The following SGIP1 variants were observed in gnomAD, a reference collection of about 807,000 sequenced individuals.
SGIP1 encodes the protein SH3GL interacting endocytic adaptor 1.
A neutral mutation model predicts 107.5 loss-of-function variants in SGIP1; 38 were observed. That is an observed-to-expected ratio of 0.35 (90% CI 0.27 to 0.46). The LOEUF (loss-of-function observed/expected upper bound fraction) is 0.46. Ranked by LOEUF, SGIP1 falls within the 20% of genes least tolerant of loss-of-function variation. The pLI, the probability that SGIP1 is intolerant of heterozygous loss-of-function variation, is 1.00. For missense variants in SGIP1, 929 were observed against 1,019.5 expected, an observed-to-expected ratio of 0.91 and a Z score of 1.21; for synonymous variants, 365 against 366.1, an observed-to-expected ratio of 1.00 and a Z score of 0.03.
Position 66,615,375 on chromosome 1 carries a change from C to T in SGIP1, c.11-10472C>T, listed in dbSNP as rs552615439. Among the ~76,000 whole-genome samples the T allele has an allele frequency of 1.8e-4, 27 of 152,256 alleles. 1 individual carries two copies. The highest frequency in any genetic ancestry group is 9.2e-4 in the Admixed American group (14 of 15,284). ...CTCGAACTCCTGACCTCAGGTGACC[C>T]GCCTGCCTCAGCCTCCCAAAGTGGT... On this transcript the variant is annotated intron_variant, in intron 1 of 24. Transcript: ENST00000371037.
Position 66,690,275 on chromosome 1 carries a change from C to G in SGIP1, c.1529C>G (p.Ser510Trp). The G allele has an allele frequency of 6.2e-7, 1 of 1,614,190 alleles. No homozygotes were observed. The highest frequency in any genetic ancestry group is 8.5e-7 in the Non-Finnish European group (1 of 1,180,018). The change falls in exon 17 of 25, where the codon TCG becomes TGG. Residue 510 changes from serine to tryptophan, a missense_variant. This residue lies in a region of SGIP1 where 341 missense variants were observed against 430.9 expected (regional missense o/e 0.79). Transcript: ENST00000371037. ...LARAESTSSI[S>W]STNSLSAATT... ...CGGGCTGAAAGCACTTCTTCAATAT[C>G]GTCAACCAATTCCTTGAGCGCAGCC... is the stretch of plus-strand genomic sequence containing the variant.
chr1:66,576,236 T>C (rs1381574031), intron 1 of SGIP1, among the ~76,000 whole-genome samples: 1 of 152,162 alleles, frequency 6.6e-6, no homozygotes, highest in Non-Finnish European at 1.5e-5. Context: ...TAGTATCAAG[T>C]TAAAAATCAC....
intron 1 of SGIP1, among the ~76,000 whole-genome samples, chr1:66,557,299 C>T (rs2058327562): frequency 6.6e-6 from 1 of 152,232 alleles, no homozygotes; most frequent in Non-Finnish European, 1.5e-5. Flanking sequence ...TTTTCCCATT[C>T]CATACTCAGA....
At chr1:66,623,329 A>G (rs1487007787) in intron 1 of SGIP1, among the ~76,000 whole-genome samples, 1 of 151,962 alleles carries the variant, frequency 6.6e-6, no homozygotes, top group South Asian at 2.1e-4. Context: ...GACTCACTAC[A>G]ACCTCTGCCT....
At chr1:66,568,090 T>A (rs1160741798) in intron 1 of SGIP1, among the ~76,000 whole-genome samples, 1 of 152,190 alleles carries the variant, frequency 6.6e-6, no homozygotes, top group Non-Finnish European at 1.5e-5. Flanking sequence ...TTAATTACTT[T>A]GGGTAGTATG....
chr1:66,554,675 T>A lies in SGIP1; in HGVS notation c.10+20307T>A, dbSNP rs149448048. Among the ~76,000 whole-genome samples the A allele has an allele frequency of 7.2e-5, 11 of 152,260 alleles. No homozygotes were observed. The East Asian group carries it at 1.7e-3, about 24-fold the overall frequency. Reference sequence around the variant, plus strand: ...GTATATAAAACATAAATGGATTTTGTGTTTAGACTTGGGTCTCATCCCCAA... The same window carrying A: ...GTATATAAAACATAAATGGATTTTGAGTTTAGACTTGGGTCTCATCCCCAA... On this transcript the variant is annotated intron_variant, in intron 1 of 24. Transcript: ENST00000371037.
intron 4 of SGIP1, among the ~76,000 whole-genome samples, chr1:66,639,300 A>G (rs74887291): frequency 1.3e-5 from 2 of 152,200 alleles, no homozygotes; most frequent in Middle Eastern, 3.2e-3. Context: ...GGGTAGTTAC[A>G]AAAAAATTGA....
At chr1:66,593,780 T>C (rs955030302) in intron 1 of SGIP1, among the ~76,000 whole-genome samples, 1 of 152,094 alleles carries the variant, frequency 6.6e-6, no homozygotes, top group African/African-American at 2.4e-5. Flanking sequence ...AAAAAAGATA[T>C]AAAAACAAAC....
In SGIP1 at chr1:66,739,482, G is replaced by A. The variant is rs1450532616; in HGVS notation, c.2179G>A (p.Val727Ile). 3.1e-6 allele frequency: 5 copies of A among 1,614,114 alleles called. No individual in the cohort carries two copies. Among genetic ancestry groups the A allele is most frequent in the Non-Finnish European group, 4.2e-6 (5 of 1,180,028 alleles). Residue 727 changes from valine to isoleucine, a missense_variant, in exon 22 of 25, where the codon GTC becomes ATC. Around this residue, in one of 2 missense-constraint regions of SGIP1, gnomAD observed 341 missense variants for 430.9 expected, o/e 0.79. Coordinates refer to ENST00000371037, the MANE Select transcript of SGIP1 (RefSeq NM_032291.4). ...AVALNNVQFL[V>I]PIDGGVTKLQ... ...GGCCCTCAACAATGTGCAGTTCCTG[G>A]TCCCCATCGACGGAGGAGTCACCAA...
chr1:66,705,583 G>T (rs3738167), intron 18 of SGIP1, among the ~76,000 whole-genome samples: 39,775 of 151,924 alleles, frequency 0.26, 5,496 homozygotes, highest in South Asian at 0.32. Context: ...TATGAAACTA[G>T]CAGCTCAAAT....
intron 4 of SGIP1, among the ~76,000 whole-genome samples, chr1:66,637,667 A>C: frequency 6.6e-6 from 1 of 151,726 alleles, no homozygotes. Context: ...AGATCGTCAA[A>C]TTTAGAACTC....
At chr1:66,553,217 T>C (rs548335230) in intron 1 of SGIP1, among the ~76,000 whole-genome samples, 1 of 152,242 alleles carries the variant, frequency 6.6e-6, no homozygotes, top group Admixed American at 6.5e-5. Context: ...GGGGAATAGA[T>C]GATAACTTTA....
intron 1 of SGIP1, among the ~76,000 whole-genome samples, chr1:66,601,224 G>A (rs1344053132): frequency 6.6e-6 from 1 of 152,046 alleles, no homozygotes; most frequent in African/African-American, 2.4e-5. Flanking sequence ...AATTAGCTGG[G>A]CGTGGTGGCG....
At chr1:66,710,057 G>A (rs1029149962) in intron 18 of SGIP1, among the ~76,000 whole-genome samples, 1 of 151,532 alleles carries the variant, frequency 6.6e-6, no homozygotes, top group Non-Finnish European at 1.5e-5. Flanking sequence ...TTAGAGAAAA[G>A]GGAAAAAATT....
chr1:66,719,522 A>C, intron 19 of SGIP1, 117 bp downstream of exon 19: 2 of 583,772 alleles, frequency 3.4e-6, no homozygotes, highest in Non-Finnish European at 5.8e-6. Context: ...TTCAGTTAGC[A>C]ATAGTAGATG....
At chr1:66,731,256 G>A (rs1205871091) in intron 20 of SGIP1, among the ~76,000 whole-genome samples, 1 of 152,036 alleles carries the variant, frequency 6.6e-6, no homozygotes, top group Non-Finnish European at 1.5e-5. Context: ...TTTTGGTTGT[G>A]CACGTTGAGC....
At chr1:66,645,719 G>T (rs981150738) in intron 7 of SGIP1, among the ~76,000 whole-genome samples, 1 of 152,176 alleles carries the variant, frequency 6.6e-6, no homozygotes, top group East Asian at 1.9e-4. Flanking sequence ...AGGTGAGCAG[G>T]TTTCTGGATG....
intron 18 of SGIP1, among the ~76,000 whole-genome samples, chr1:66,715,745 G>C (rs1354846290): frequency 1.3e-5 from 2 of 152,018 alleles, no homozygotes; most frequent in Admixed American, 6.6e-5. Flanking sequence ...AAAACCTCCA[G>C]GTGCTTTTTT....
At chr1:66,551,786 T>C (rs1263295120) in intron 1 of SGIP1, among the ~76,000 whole-genome samples, 1 of 152,118 alleles carries the variant, frequency 6.6e-6, no homozygotes, top group Non-Finnish European at 1.5e-5. Flanking sequence ...TGAAAAACAA[T>C]TGCATAGATG....
Sources: gnomAD v4.1 joint callset for allele counts (sites outside exome capture counted in the v4.1 genomes callset) on GRCh38, gnomAD v4.1.1 for gene constraint, gnomAD v4.1.1 regional missense constraint, MANE v1.5 for transcripts, NCBI Gene and HGNC (gene_info 2026-07-23, HGNC 2026-07-21) for gene names.